LRRIQ3: variants seen among roughly 807,000 people sequenced by gnomAD.
LRRIQ3 encodes the protein leucine rich repeats and IQ motif containing 3, also known as leucine-rich repeat and IQ domain-containing protein 3.
In LRRIQ3, 75 loss-of-function variants were observed where a neutral mutation model predicts 59.3. The observed-to-expected ratio is 1.26, with a 90% confidence interval of 1.05 to 1.53. The LOEUF (loss-of-function observed/expected upper bound fraction) is 1.53. Among genes scored for constraint, LRRIQ3 ranks in the 40% most tolerant of loss-of-function variants. LRRIQ3 has a pLI of 0.00. For synonymous variants in LRRIQ3, 250 were observed against 231.3 expected, an observed-to-expected ratio of 1.08 and a Z score of -0.73; for missense variants, 831 against 710.0, an observed-to-expected ratio of 1.17 and a Z score of -1.94.
intron 3 of LRRIQ3, among the ~76,000 whole-genome samples, chr1:74,158,884 T>C (rs1024386093): frequency 6.6e-6 from 1 of 152,082 alleles, no homozygotes; most frequent in Admixed American, 6.6e-5. Context: ...TGGAATAAAA[T>C]ATTTGTTAGC....
At chr1:74,067,835 T>A (rs969814501) in intron 6 of LRRIQ3, among the ~76,000 whole-genome samples, 3 of 152,140 alleles carry the variant, frequency 2.0e-5, no homozygotes, top group Admixed American at 2.0e-4. Flanking sequence ...ATTGTTTTAC[T>A]ATTTGTTATT....
intron 6 of LRRIQ3, among the ~76,000 whole-genome samples, chr1:74,051,811 C>T (rs1036345227): frequency 4.6e-5 from 7 of 152,116 alleles, no homozygotes; most frequent in Admixed American, 3.3e-4. Flanking sequence ...CTTTATGATA[C>T]GTTCCCTTTT....
chr1:74,090,688 G>T (rs903779409), intron 5 of LRRIQ3, among the ~76,000 whole-genome samples: 1 of 151,914 alleles, frequency 6.6e-6, no homozygotes, highest in African/African-American at 2.4e-5. Flanking sequence ...AGGATTTCAA[G>T]ACCAGCCTGG....
intron 5 of LRRIQ3, among the ~76,000 whole-genome samples, chr1:74,087,381 C>CTTTTTTTTTTTTTTTTTTTTTTTTTT (rs57068994): frequency 6.8e-5 from 4 of 59,008 alleles, no homozygotes; most frequent in African/African-American, 2.9e-4. Flanking sequence ...AAAATTTTAT[C>CTTTTTTTTTTTTTTTTTTTTTTTTTT]TTTTTTTTTT....
chr1:74,103,882 C>A (rs780474980), intron 5 of LRRIQ3, among the ~76,000 whole-genome samples: 1 of 151,110 alleles, frequency 6.6e-6, no homozygotes, highest in Non-Finnish European at 1.5e-5. Context: ...ATTACAGCAA[C>A]CTCACCGTGA....
chr1:74,066,725 A>G lies in LRRIQ3; in HGVS notation c.997+7936T>C, dbSNP rs549293696. 1.9e-3 allele frequency among the ~76,000 whole-genome samples: 282 copies of G among 152,300 alleles called. 1 individual carries two copies. Among genetic ancestry groups the G allele is most frequent in the African/African-American group, 6.4e-3 (268 of 41,580 alleles). ...ATAAAAGTCCATCACCATGGTTAGT[A>G]TATTACTCAAGATAATTAACACTAG... On this transcript the variant is annotated intron_variant, in intron 6 of 7. Coordinates refer to ENST00000354431, the MANE Select transcript of LRRIQ3 (RefSeq NM_001105659.2).
intron 4 of LRRIQ3, among the ~76,000 whole-genome samples, chr1:74,122,672 A>C (rs1385034867): frequency 6.6e-6 from 1 of 152,184 alleles, no homozygotes; most frequent in African/African-American, 2.4e-5. Context: ...TTATACAAAA[A>C]TTAATTCAAG....
intron 1 of LRRIQ3, among the ~76,000 whole-genome samples, chr1:74,196,940 C>T (rs1378179019): frequency 6.6e-6 from 1 of 152,196 alleles, no homozygotes; most frequent in Non-Finnish European, 1.5e-5. Context: ...CAAAACCCTG[C>T]AATGGCTTTG....
At chr1:74,075,252 C>A (rs1351718015) in intron 5 of LRRIQ3, among the ~76,000 whole-genome samples, 1 of 151,902 alleles carries the variant, frequency 6.6e-6, no homozygotes, top group Admixed American at 6.6e-5. Flanking sequence ...AGAAACGGGA[C>A]CAGAATTATC....
In LRRIQ3 at chr1:74,050,707, G is replaced by C; in HGVS notation, c.998-8774C>G. ...TTTGCACAAGCTTATAGCCTTATGT[G>C]ATACATAAGCTTTAAGTTTAGGTGA... On this transcript the variant is annotated intron_variant, in intron 6 of 7. Coordinates refer to ENST00000354431, the MANE Select transcript of LRRIQ3 (RefSeq NM_001105659.2). 1.3e-5 allele frequency: 3 copies of C among 226,774 alleles called. 1 individual carries two copies. The South Asian group carries it at 4.8e-4, about 36-fold the overall frequency. The allele number at this position is 226,774 out of a possible 1,614,324, so 14.0% of individuals were successfully genotyped here. A position where few individuals can be genotyped will look rare whatever the true frequency, so the allele number is the denominator to read the frequency against.
chr1:74,118,783 G>A (rs1405296640), intron 4 of LRRIQ3, among the ~76,000 whole-genome samples: 1 of 152,084 alleles, frequency 6.6e-6, no homozygotes, highest in Non-Finnish European at 1.5e-5. Flanking sequence ...CTGTAGGGCA[G>A]GCCTGCAGAG....
chr1:74,061,478 G>A (rs1654719755), intron 6 of LRRIQ3, among the ~76,000 whole-genome samples: 1 of 152,068 alleles, frequency 6.6e-6, no homozygotes, highest in African/African-American at 2.4e-5. Flanking sequence ...AGACTGAATA[G>A]CCAAGACAAT....
At chr1:74,113,661 T>G (rs894923874) in intron 4 of LRRIQ3, among the ~76,000 whole-genome samples, 19 of 151,970 alleles carry the variant, frequency 1.3e-4, no homozygotes, top group African/African-American at 4.1e-4. Flanking sequence ...GAAATTCAAT[T>G]AACAATCTTA....
intron 3 of LRRIQ3, among the ~76,000 whole-genome samples, chr1:74,160,465 A>G (rs1219650379): frequency 6.6e-6 from 1 of 152,118 alleles, no homozygotes; most frequent in Non-Finnish European, 1.5e-5. Flanking sequence ...CTTTGCTCAC[A>G]GAATTTTTCC....
intron 6 of LRRIQ3, among the ~76,000 whole-genome samples, chr1:74,042,146 A>T (rs1487433816): frequency 1.3e-5 from 2 of 152,152 alleles, no homozygotes; most frequent in African/African-American, 2.4e-5. Context: ...ACTGAATCTA[A>T]TTCTTATATT....
intron 5 of LRRIQ3, among the ~76,000 whole-genome samples, chr1:74,102,878 T>A (rs770462803): frequency 6.6e-6 from 1 of 152,018 alleles, no homozygotes; most frequent in Non-Finnish European, 1.5e-5. Context: ...ACCTTTCTTA[T>A]CCACATATAT....
chr1:74,171,755 T>C (rs1570253355), intron 3 of LRRIQ3, among the ~76,000 whole-genome samples: 1 of 152,318 alleles, frequency 6.6e-6, no homozygotes, highest in East Asian at 1.9e-4. Flanking sequence ...CATCTGACCC[T>C]GGACTTTTCT....
At chr1:74,180,961 T>TAG in intron 3 of LRRIQ3, 1 of 654,756 alleles carries the variant, frequency 1.5e-6, no homozygotes. Context: ...TGTTTAGTTT[T>TAG]ATTTTTGTTT....
intron 4 of LRRIQ3, among the ~76,000 whole-genome samples, chr1:74,134,002 G>C (rs145402933): frequency 2.0e-5 from 3 of 151,916 alleles, no homozygotes; most frequent in Admixed American, 2.0e-4. Flanking sequence ...TTTGATTCAA[G>C]TATTATTTAT....
Sources: allele counts gnomAD v4.1 joint callset (sites outside exome capture counted in the v4.1 genomes callset), GRCh38; gene constraint gnomAD v4.1.1; transcripts MANE v1.5; gene names NCBI Gene and HGNC (gene_info 2026-07-23, HGNC 2026-07-21).